The following HDAC4 variants were observed in gnomAD, a reference collection of about 807,000 sequenced individuals.
HDAC4 encodes the protein histone deacetylase A.
HDAC4 carries 16 observed loss-of-function variants against 135.1 expected under a neutral mutation model. The ratio of observed to expected loss-of-function variants is 0.12; its 90% CI spans 0.08 to 0.18. HDAC4 has a LOEUF of 0.18. Ranked by LOEUF, HDAC4 falls within the 10% of genes least tolerant of loss-of-function variation. The probability of loss-of-function intolerance (pLI) is 1.00; values close to 1 mark genes in which losing one functional copy is unlikely to be tolerated. For synonymous variants in HDAC4, 685 were observed against 653.4 expected (o/e 1.05, Z -0.74); for missense variants, 1,143 against 1,511.8 (o/e 0.76, Z 4.05).
Position 239,115,291 on chromosome 2 carries a change from T to G in HDAC4, c.1553A>C (p.Glu518Ala). Residue 518 changes from glutamate (E) to alanine (A), a missense_variant, in exon 13 of 27, where the codon GAG (glutamate) becomes GCG (alanine). Around this residue, in one of 9 missense-constraint regions of HDAC4, gnomAD observed 196 missense variants for 210.7 expected, o/e 0.93. Coordinates refer to ENST00000543185, the MANE Select transcript of HDAC4 (RefSeq NM_001378414.1). The surrounding 1 kb of genome is among the most constrained non-coding windows in gnomAD (Gnocchi z 6.3). ...GTGGCTCTCCGGCTGCCGGGCTGGC[T>G]CGCTTGGCTTGGGGATGATCTGCAA... ...QMNKIIPKPSEPARQPESHPE... is the reference protein window; with the variant it reads ...QMNKIIPKPSAPARQPESHPE... 1 of 1,613,266 alleles carries G rather than the reference T, an allele frequency of 6.2e-7. No homozygotes were observed.
rs756808271 is a variant in HDAC4 at position 239,090,094 on chromosome 2, T to C, written c.2303A>G (p.Asn768Ser). Residue 768 changes from asparagine (N) to serine (S), a missense_variant, in exon 18 of 27, where the codon AAC (asparagine) becomes AGC (serine). By Grantham distance (46) the Asn-to-Ser change is conservative. Transcript: ENST00000543185. Reference sequence around the variant, plus strand: ...GGCTGCCCCCGCCGAGTGCACCTCGTTCCATATGGTGTCACTGTCCACCTG... The same window carrying C: ...GGCTGCCCCCGCCGAGTGCACCTCGCTCCATATGGTGTCACTGTCCACCTG... ...GVGVDSDTIW[N>S]EVHSAGAARL... 1 of 1,613,308 alleles carries C rather than the reference T, an allele frequency of 6.2e-7. No individual in the cohort carries two copies. Among genetic ancestry groups the C allele is most frequent in the Non-Finnish European group, 8.5e-7 (1 of 1,179,734 alleles).
intron 15 of HDAC4, among the ~76,000 whole-genome samples, chr2:239,106,982 G>A (rs1242103385): frequency 6.6e-6 from 1 of 152,140 alleles, no homozygotes; most frequent in Admixed American, 6.5e-5. Context: ...CTCTACTGGT[G>A]GGCCCTGGCA....
chr2:239,176,686 T>C, intron 4 of HDAC4, 123 bp from the exon 5 acceptor site: 1 of 798,468 alleles, frequency 1.3e-6, no homozygotes, highest in Non-Finnish European at 2.0e-6. Context: ...CCCTGGGCAC[T>C]GCCCTGCCCT....
At chr2:239,174,916 C>T (rs2043661208) in intron 5 of HDAC4, among the ~76,000 whole-genome samples, 1 of 152,178 alleles carries the variant, frequency 6.6e-6, no homozygotes, top group Non-Finnish European at 1.5e-5. Flanking sequence ...CATTTACATA[C>T]ATTTCAAAAG....
intron 23 of HDAC4, among the ~76,000 whole-genome samples, chr2:239,067,237 T>TAC (rs1304097835): frequency 2.8e-4 from 43 of 152,286 alleles, no homozygotes; most frequent in African/African-American, 9.9e-4. Flanking sequence ...CATGTATGTG[T>TAC]ACACATGTGC....
At chr2:239,059,606 A>C (rs2032373415) in intron 24 of HDAC4, among the ~76,000 whole-genome samples, 1 of 152,254 alleles carries the variant, frequency 6.6e-6, no homozygotes, top group Admixed American at 6.5e-5. Context: ...ATTAAGAAGG[A>C]ATAGGAAACT....
chr2:239,240,513 G>A lies in HDAC4; in HGVS notation c.23-3849C>T, dbSNP rs1402854102. Among the ~76,000 whole-genome samples, 1 of 152,178 alleles carries A rather than the reference G, an allele frequency of 6.6e-6. No homozygotes were observed. The highest frequency in any genetic ancestry group is 1.5e-5 in the Non-Finnish European group (1 of 68,030). ...CAGCGTTTACAAGCAGGAAAATAAT[G>A]AAGATGGGAAGCAAAGTACCACTTC... On this transcript the variant is annotated intron_variant, in intron 2 of 26. Transcript: ENST00000543185. This position sits in a 1 kb window ranked among gnomAD's most constrained non-coding sequence, Gnocchi z 4.5.
intron 2 of HDAC4, among the ~76,000 whole-genome samples, chr2:239,334,658 C>A (rs1453660682): frequency 6.6e-6 from 1 of 152,100 alleles, no homozygotes; most frequent in East Asian, 1.9e-4. Flanking sequence ...AAACTGATTT[C>A]ATATGCAAAT....
At chr2:239,219,286 G>A (rs1229357542) in intron 3 of HDAC4, among the ~76,000 whole-genome samples, 4 of 151,990 alleles carry the variant, frequency 2.6e-5, no homozygotes, top group Admixed American at 2.0e-4. Context: ...ATACTATGCA[G>A]CCATAAAAAA....
At chr2:239,154,786 C>G (rs995868342) in intron 7 of HDAC4, 1 of 152,240 alleles carries the variant, frequency 6.6e-6, no homozygotes, top group African/African-American at 2.4e-5. Flanking sequence ...TTCTGTCAAG[C>G]TTTAGGGCGC....
intron 12 of HDAC4, among the ~76,000 whole-genome samples, chr2:239,124,269 TAAG>T (rs754884392): frequency 7.2e-5 from 11 of 152,204 alleles, no homozygotes; most frequent in African/African-American, 2.4e-4. Context: ...TCACCATCCC[TAAG>T]AAGAGGCGCT....
intron 7 of HDAC4, among the ~76,000 whole-genome samples, chr2:239,151,051 C>T (rs889865905): frequency 3.3e-5 from 5 of 152,256 alleles, no homozygotes; most frequent in African/African-American, 1.2e-4. Flanking sequence ...CAAGGGACAG[C>T]AAGCAATGGT....
At position 239,313,126 on chromosome 2, in the gene HDAC4, C is replaced by T. The variant is rs2052964613; in HGVS notation, c.22+39552G>A. On this transcript the variant is annotated intron_variant, in intron 2 of 26. Transcript: ENST00000543185. The surrounding 1 kb of genome is among the most constrained non-coding windows in gnomAD (Gnocchi z 5.1). Reference sequence around the variant, plus strand: ...GTCCCGTGCCTCCCCGGGGGCGTTCCGAGGTGGCGGAGGAGGAAGCTGCAG... The same window carrying T: ...GTCCCGTGCCTCCCCGGGGGCGTTCTGAGGTGGCGGAGGAGGAAGCTGCAG... 6.6e-6 allele frequency among the ~76,000 whole-genome samples: 1 copy of T among 152,186 alleles called. No individual in the cohort carries two copies. Among genetic ancestry groups the T allele is most frequent in the African/African-American group, 2.4e-5 (1 of 41,448 alleles).
At chr2:239,268,483 C>G in intron 2 of HDAC4, among the ~76,000 whole-genome samples, 1 of 152,290 alleles carries the variant, frequency 6.6e-6, no homozygotes. Flanking sequence ...AAATTTCTCT[C>G]TGAGTTCTAA....
In HDAC4 at chr2:239,308,727, C is replaced by T. The variant is rs1025401856; in HGVS notation, c.22+43951G>A. Among the ~76,000 whole-genome samples, 3 of 152,184 alleles carry T rather than the reference C, an allele frequency of 2.0e-5. No homozygotes were observed. The highest frequency in any genetic ancestry group is 7.2e-5 in the African/African-American group (3 of 41,434). ...TTCAGCCGCTGCAGAAACTCCGAAT[C>T]TGCTAACGTGAAGTGCCAAGACTGC... On this transcript the variant is annotated intron_variant, in intron 2 of 26. Transcript: ENST00000543185. The surrounding 1 kb of genome is among the most constrained non-coding windows in gnomAD (Gnocchi z 4.2).
intron 5 of HDAC4, 118 bp from the exon 6 acceptor site, chr2:239,164,041 C>T (rs890497968): frequency 6.5e-5 from 81 of 1,247,526 alleles, no homozygotes; most frequent in Admixed American, 1.0e-4. Context: ...ACCTTCAGGA[C>T]GCTGTGGCCT....
chr2:239,265,630 C>T (rs539564889), intron 2 of HDAC4, among the ~76,000 whole-genome samples: 1 of 152,180 alleles, frequency 6.6e-6, no homozygotes, highest in Non-Finnish European at 1.5e-5. Flanking sequence ...AGCAGGAACA[C>T]GAGGTGATGC....
At position 239,281,342 on chromosome 2, in the gene HDAC4, TACACACCACTCTACAATGA is replaced by T. The variant is rs1244147937; in HGVS notation, c.23-44697_23-44679del. Among the ~76,000 whole-genome samples, 8 of 97,198 alleles carry T rather than the reference TACACACCACTCTACAATGA, an allele frequency of 8.2e-5. 1 individual carries two copies. The highest frequency in any genetic ancestry group is 2.9e-4 in the African/African-American group (8 of 27,732). 63.8% of individuals were successfully genotyped at this position (97,198 alleles called of 152,430 possible). On this transcript the variant is annotated intron_variant, in intron 2 of 26. Transcript: ENST00000543185. ...TGTACACACCACTCTGCAAACAATG[TACACACCACTCTACAATGA>T]ACACACCACTCTACACACCATGTAC... is the stretch of plus-strand genomic sequence containing the variant.
chr2:239,274,496 G>A (rs991098559), intron 2 of HDAC4, among the ~76,000 whole-genome samples: 1 of 152,328 alleles, frequency 6.6e-6, no homozygotes, highest in Admixed American at 6.5e-5. Flanking sequence ...TCTAAGCCAC[G>A]AGCCACAGCC....
Sources: gnomAD v4.1 joint callset for allele counts (sites outside exome capture counted in the v4.1 genomes callset) on GRCh38, gnomAD v4.1.1 for gene constraint, gnomAD v4.1.1 regional missense constraint, Gnocchi (gnomAD v3.1) non-coding constraint, MANE v1.5 for transcripts, NCBI Gene and HGNC (gene_info 2026-07-23, HGNC 2026-07-21) for gene names.